The following LIG1 variants were observed in gnomAD, a reference collection of about 807,000 sequenced individuals.
LIG1 encodes the protein ligase I, DNA, ATP-dependent.
Under a neutral mutation model 115.7 loss-of-function variants are expected in LIG1, and 70 were observed. The ratio of observed to expected loss-of-function variants is 0.60; its 90% CI spans 0.50 to 0.74. The LOEUF is 0.74. Among genes scored for constraint, LIG1 ranks in the 30% least tolerant of loss-of-function variants. LIG1 has a pLI of 0.00. For missense variants in LIG1, 1,115 were observed against 1,225.6 expected (o/e 0.91, Z 1.35); for synonymous variants, 487 against 495.3 (o/e 0.98, Z 0.22).
At chr19:48,124,844 G>A (rs1490311792) in intron 21 of LIG1, among the ~76,000 whole-genome samples, 2 of 151,956 alleles carry the variant, frequency 1.3e-5, no homozygotes. Context: ...GTGAAACCCC[G>A]ACTCTACTAA....
intron 6 of LIG1, among the ~76,000 whole-genome samples, chr19:48,152,978 T>C (rs547656937): frequency 2.0e-5 from 3 of 152,206 alleles, no homozygotes; most frequent in African/African-American, 7.2e-5. Context: ...GGGCAGATCA[T>C]GTGAGCTCAG....
chr19:48,166,491 C>T (rs3730844), intron 1 of LIG1, among the ~76,000 whole-genome samples: 47,502 of 151,972 alleles, frequency 0.31, 8,375 homozygotes, highest in East Asian at 0.55. Context: ...GTAATGCTGT[C>T]GCCTCAGGAG....
intron 24 of LIG1, chr19:48,120,572 GA>G (rs1379473578): frequency 8.1e-6 from 8 of 984,072 alleles, no homozygotes; most frequent in Non-Finnish European, 9.7e-6. Flanking sequence ...ACTTTAACTT[GA>G]AAAAAAGTAA....
Position 48,121,180 on chromosome 19 carries a change from G to A in LIG1, c.2375C>T (p.Ala792Val), listed in dbSNP as rs2033240423. Residue 792 changes from alanine to valine, a missense_variant, in exon 24 of 28, where the codon GCC (alanine) becomes GTC (valine). Transcript: ENST00000263274. ...CCAGTTCCCCAGGACCTTGCATATG[G>A]CCTGCAGCTCCTCACTGTCCTCGTC... ...SYDEDSEELQ[A>V]ICKLGTGFSD... is the part of the protein sequence containing the mutation. 1 of 1,613,948 alleles carries A rather than the reference G, an allele frequency of 6.2e-7. No individual in the cohort carries two copies. Among genetic ancestry groups the A allele is most frequent in the Non-Finnish European group, 8.5e-7 (1 of 1,180,010 alleles).
chr19:48,151,231 C>A lies in LIG1; in HGVS notation c.574+1G>T. On this transcript the variant is annotated splice_donor_variant, in intron 7 of 27. Coordinates refer to ENST00000263274, the MANE Select transcript of LIG1 (RefSeq NM_000234.3). LOFTEE classifies it high-confidence loss of function. ...GGCGGAGGAGAGGACCAGAAACTCA[C>A]TGGAGGTCTTTAGGGGCTTGGGAGG... 1 of 1,606,660 alleles carries A rather than the reference C, an allele frequency of 6.2e-7. No individual in the cohort carries two copies. Among genetic ancestry groups the A allele is most frequent in the South Asian group, 1.1e-5 (1 of 90,910 alleles).
intron 21 of LIG1, among the ~76,000 whole-genome samples, chr19:48,126,029 T>TGCA (rs1410524387): frequency 1.3e-5 from 2 of 151,362 alleles, no homozygotes; most frequent in Non-Finnish European, 2.9e-5. Context: ...TATTGATGAT[T>TGCA]GCAGCTAATT....
chr19:48,142,446 A>AAAAAAAAAAAAAAAAAAC (rs1568516528), intron 11 of LIG1, among the ~76,000 whole-genome samples: 4 of 149,598 alleles, frequency 2.7e-5, no homozygotes, highest in Non-Finnish European at 5.9e-5. Context: ...CCATCTCAAA[A>AAAAAAAAAAAAAAAAAAC]AAAAAAAAAA....
chr19:48,154,095 G>A lies in LIG1; in HGVS notation c.371-128C>T, dbSNP rs1017671941. 40 of 785,846 alleles carry A rather than the reference G, an allele frequency of 5.1e-5. 1 individual carries two copies. The highest frequency in any genetic ancestry group is 2.6e-4 in the Middle Eastern group (1 of 3,886). 48.7% of individuals were successfully genotyped at this position (785,846 alleles called of 1,614,324 possible). A position where few individuals can be genotyped will look rare whatever the true frequency, so the allele number is the denominator to read the frequency against. ...CTCTCCCCTTCTCTGCCTGCACACA[G>A]TCACTGCCCCAGTGCAGGCCGCACC... On this transcript the variant is annotated intron_variant, in intron 5 of 27. Transcript: ENST00000263274.
intron 5 of LIG1, 100 bp from the exon 6 acceptor site, chr19:48,154,067 G>A (rs2035681481): frequency 2.1e-6 from 2 of 961,510 alleles, no homozygotes; most frequent in South Asian, 1.3e-5. Context: ...AAGGCTCTGG[G>A]CCCTCTCCCC....
Position 48,115,923 on chromosome 19 carries a change from T to A in LIG1, c.2626A>T (p.Ile876Phe), listed in dbSNP as rs763835099. ...GGCTGCTTGTCTTCACGGACTCGAA[T>A]AAACCGAGGGAAGCGAAGGGAGATG... Reference protein sequence around the residue: ...KGISLRFPRFIRVREDKQPEQ... With the variant: ...KGISLRFPRFFRVREDKQPEQ... The change falls in exon 27 of 28, where the codon ATT becomes TTT. Residue 876 changes from isoleucine to phenylalanine, a missense_variant. Physicochemically the swap from Ile to Phe is conservative, Grantham distance 21. Transcript: ENST00000263274. The A allele has an allele frequency of 3.1e-6, 5 of 1,613,872 alleles. No homozygotes were observed. The African/African-American group carries it at 6.7e-5, about 22-fold the overall frequency.
chr19:48,148,213 C>G (rs2035244660), intron 9 of LIG1, among the ~76,000 whole-genome samples: 1 of 152,110 alleles, frequency 6.6e-6, no homozygotes, highest in Admixed American at 6.6e-5. Context: ...GTGGCTCACG[C>G]CTGTAATCCC....
At chr19:48,149,877 C>T in intron 8 of LIG1, 36 bp from the exon 9 acceptor site, 1 of 1,598,218 alleles carries the variant, frequency 6.3e-7, no homozygotes, top group Non-Finnish European at 8.6e-7. Flanking sequence ...GGTCTTTTCT[C>T]CTTCCGGTAG....
At position 48,137,779 on chromosome 19, in the gene LIG1, C is replaced by A; in HGVS notation, c.1088-91G>T. The A allele has an allele frequency of 6.7e-7, 1 of 1,488,302 alleles. No homozygotes were observed. Among genetic ancestry groups the A allele is most frequent in the South Asian group, 1.2e-5 (1 of 84,928 alleles). The allele number at this position is 1,488,302 out of a possible 1,614,324, so 92.2% of individuals were successfully genotyped here. On this transcript the variant is annotated intron_variant, in intron 12 of 27. Transcript: ENST00000263274. The surrounding 1 kb of genome is among the most constrained non-coding windows in gnomAD (Gnocchi z 4.3). ...CGCGGCCTGGATGAATTTTCTCCAG[C>A]TGTGTGTGCTTGTGGCGAGTCCCTG...
chr19:48,125,377 A>C (rs2033594970), intron 21 of LIG1, among the ~76,000 whole-genome samples: 1 of 152,200 alleles, frequency 6.6e-6, no homozygotes, highest in Non-Finnish European at 1.5e-5. Context: ...GTCTTCCTAC[A>C]GTAATTTCAT....
At chr19:48,133,584 C>G (rs917314343) in intron 17 of LIG1, 1 of 328,932 alleles carries the variant, frequency 3.0e-6, no homozygotes, top group African/African-American at 2.1e-5. Flanking sequence ...TCTGGCCTGA[C>G]CCACTGCCTT....
Position 48,170,278 on chromosome 19 carries a change from A to C in LIG1, c.-95T>G, listed in dbSNP as rs867278155. On this transcript the variant is annotated 5_prime_UTR_variant, in exon 1 of 28. Coordinates refer to ENST00000263274, the MANE Select transcript of LIG1 (RefSeq NM_000234.3). Reference sequence around the variant, plus strand: ...CCGCGCGCCGCTGCCCGGGCAACACACTCAGATCCGCCAGGCGCGCCTCTG... The same window carrying C: ...CCGCGCGCCGCTGCCCGGGCAACACCCTCAGATCCGCCAGGCGCGCCTCTG... 13 of 454,170 alleles carry C rather than the reference A, an allele frequency of 2.9e-5. No homozygotes were observed. Among genetic ancestry groups the C allele is most frequent in the Non-Finnish European group, 4.9e-5 (11 of 226,020 alleles). The allele number at this position is 454,170 out of a possible 1,614,324, so 28.1% of individuals were successfully genotyped here.
chr19:48,119,019 T>G, intron 25 of LIG1, 118 bp downstream of exon 25: 1 of 805,916 alleles, frequency 1.2e-6, no homozygotes, highest in Admixed American at 2.1e-5. Context: ...CCTGCTGCCC[T>G]CCTGCCCACA....
intron 11 of LIG1, 80 bp downstream of exon 11, chr19:48,143,463 A>C: frequency 1.6e-6 from 2 of 1,254,058 alleles, no homozygotes; most frequent in Non-Finnish European, 2.3e-6. Context: ...GTTTGGCGGA[A>C]CAAGGCAGCA....
rs150265146 is a variant in LIG1 at position 48,159,301 on chromosome 19, A to C, written c.243+2071T>G. On this transcript the variant is annotated intron_variant, in intron 4 of 27. Coordinates refer to ENST00000263274, the MANE Select transcript of LIG1 (RefSeq NM_000234.3). ...TGGCCTGGCTGCTCTCGAACTTCTG[A>C]CCTCGTGATCCACCCGCCTTGGCCT... 3.1e-3 allele frequency among the ~76,000 whole-genome samples: 471 copies of C among 152,176 alleles called. 6 individuals are homozygous for C. Among genetic ancestry groups the C allele is most frequent in the African/African-American group, 0.01 (431 of 41,532 alleles).
Sources: gnomAD v4.1 joint callset for allele counts (sites outside exome capture counted in the v4.1 genomes callset) on GRCh38, gnomAD v4.1.1 for gene constraint, Gnocchi (gnomAD v3.1) non-coding constraint, MANE v1.5 for transcripts, NCBI Gene and HGNC (gene_info 2026-07-23, HGNC 2026-07-21) for gene names.